Variants in PLCXD3 observed in about 807,000 individuals in gnomAD.
The protein encoded by PLCXD3 is PI-PLC X domain-containing protein 3.
A neutral mutation model predicts 25.5 loss-of-function variants in PLCXD3; 19 were observed. The observed-to-expected ratio is 0.75, with a 90% CI of 0.52 to 1.09. The LOEUF is 1.09. PLCXD3 is among the 50% of genes least tolerant of loss of function. PLCXD3 has a pLI of 0.00. For synonymous variants in PLCXD3, 174 were observed against 137.6 expected, an observed-to-expected ratio of 1.26 and a Z score of -1.85; for missense variants, 411 against 388.1, an observed-to-expected ratio of 1.06 and a Z score of -0.50.
intron 1 of PLCXD3, among the ~76,000 whole-genome samples, chr5:41,495,368 C>T (rs1748811057): frequency 6.6e-6 from 1 of 152,184 alleles, no homozygotes; most frequent in African/African-American, 2.4e-5. Context: ...CTCCAGAGGG[C>T]CTGAGGTAAG....
At position 41,312,020 on chromosome 5, in the gene PLCXD3, C is replaced by A. The variant is rs2150465997; in HGVS notation, c.*1597G>T. On this transcript the variant is annotated 3_prime_UTR_variant, in exon 3 of 3. Coordinates refer to ENST00000377801, the MANE Select transcript of PLCXD3 (RefSeq NM_001005473.3). ...TAATTAATAATTGTAAGAATTTCAT[C>A]AAATTTTATAATTTTATAAACACCT... The A allele has an allele frequency of 6.6e-6, 1 of 151,726 alleles. No homozygotes were observed. The highest frequency in any genetic ancestry group is 2.1e-4 in the South Asian group (1 of 4,788). The allele number at this position is 151,726 out of a possible 1,614,324, so 9.4% of individuals were successfully genotyped here.
chr5:41,415,536 CTATT>C (rs1746673467), intron 1 of PLCXD3, among the ~76,000 whole-genome samples: 1 of 152,154 alleles, frequency 6.6e-6, no homozygotes, highest in Non-Finnish European at 1.5e-5. Context: ...TTTCCTCTGA[CTATT>C]TAGTTCACAA....
intron 1 of PLCXD3, among the ~76,000 whole-genome samples, chr5:41,417,286 A>G (rs1746716433): frequency 6.6e-6 from 1 of 152,150 alleles, no homozygotes; most frequent in Non-Finnish European, 1.5e-5. Context: ...GCTGAAGTCT[A>G]CATTACAAAG....
chr5:41,481,985 T>C (rs1748424593), intron 1 of PLCXD3, among the ~76,000 whole-genome samples: 1 of 152,210 alleles, frequency 6.6e-6, no homozygotes, highest in African/African-American at 2.4e-5. Context: ...GCATTTACAG[T>C]GTAAGGACGT....
At chr5:41,418,604 G>T (rs1746746990) in intron 1 of PLCXD3, among the ~76,000 whole-genome samples, 1 of 152,016 alleles carries the variant, frequency 6.6e-6, no homozygotes, top group African/African-American at 2.4e-5. Context: ...AAACTGAATG[G>T]TATGTAATTC....
At chr5:41,452,852 C>T (rs1368622994) in intron 1 of PLCXD3, among the ~76,000 whole-genome samples, 1 of 151,964 alleles carries the variant, frequency 6.6e-6, no homozygotes, top group Non-Finnish European at 1.5e-5. Context: ...ATTCCATTAT[C>T]TTTCTTTCTT....
chr5:41,381,091 T>C (rs190418649), intron 2 of PLCXD3, among the ~76,000 whole-genome samples: 2 of 152,306 alleles, frequency 1.3e-5, no homozygotes, highest in Admixed American at 1.3e-4. Flanking sequence ...AAGAAAAATA[T>C]ATCACTTTTT....
intron 1 of PLCXD3, among the ~76,000 whole-genome samples, chr5:41,410,268 T>C (rs1042904810): frequency 1.3e-5 from 2 of 151,726 alleles, no homozygotes; most frequent in Admixed American, 6.6e-5. Flanking sequence ...GCCTCCTGAG[T>C]AGCTGGGACT....
At chr5:41,442,227 A>C (rs1747401743) in intron 1 of PLCXD3, among the ~76,000 whole-genome samples, 1 of 152,230 alleles carries the variant, frequency 6.6e-6, no homozygotes, top group Non-Finnish European at 1.5e-5. Flanking sequence ...ACAATGAATA[A>C]ACAACTCAGA....
At chr5:41,457,414 G>C (rs947683251) in intron 1 of PLCXD3, among the ~76,000 whole-genome samples, 8 of 151,848 alleles carry the variant, frequency 5.3e-5, no homozygotes, top group Admixed American at 5.3e-4. Context: ...CTTAGAGATG[G>C]CATGTCACTG....
In PLCXD3 at chr5:41,393,785, C is replaced by T. The variant is rs573484789; in HGVS notation, c.104-11251G>A. Among the ~76,000 whole-genome samples, 9 of 152,028 alleles carry T rather than the reference C, an allele frequency of 5.9e-5. No individual in the cohort carries two copies. In the East Asian group the frequency reaches 1.7e-3, roughly 29 times the overall value. On this transcript the variant is annotated intron_variant, in intron 1 of 2. Coordinates refer to ENST00000377801, the MANE Select transcript of PLCXD3 (RefSeq NM_001005473.3). ...ATACAAAAAAAGAAAAAAAAATTAG[C>T]CGGGCATGGTGGTGGACACCTGTAG...
chr5:41,463,230 C>T (rs1035214097), intron 1 of PLCXD3, among the ~76,000 whole-genome samples: 1 of 147,878 alleles, frequency 6.8e-6, no homozygotes, highest in Non-Finnish European at 1.5e-5. Context: ...TTGGTACCTT[C>T]TAGACAATAA....
rs1743728821 is a variant in PLCXD3, at chr5:41,329,569, C to CT, written c.813-15800dup. ...CAGATTTTAGTTTGTGGACTCACTG[C>CT]TTTTTTGCTGAATAAAAGTAATTTT... On this transcript the variant is annotated intron_variant, in intron 2 of 2. Transcript: ENST00000377801. Among the ~76,000 whole-genome samples, 4 of 152,200 alleles carry CT rather than the reference C, an allele frequency of 2.6e-5. No homozygotes were observed. The South Asian group carries it at 8.3e-4, about 32-fold the overall frequency.
In PLCXD3 at chr5:41,397,528, C is replaced by G. The variant is rs1746045399; in HGVS notation, c.104-14994G>C. ...TAGAGCTCTCCTAGTACAGGATAAT[C>G]TGTATGAGGGCAGTGCAGAGAGGAA... On this transcript the variant is annotated intron_variant, in intron 1 of 2. Coordinates refer to ENST00000377801, the MANE Select transcript of PLCXD3 (RefSeq NM_001005473.3). Among the ~76,000 whole-genome samples the G allele has an allele frequency of 2.6e-5, 4 of 152,148 alleles. No homozygotes were observed. In the South Asian group the frequency reaches 8.3e-4, roughly 32 times the overall value.
At chr5:41,413,731 C>T (rs1342905525) in intron 1 of PLCXD3, among the ~76,000 whole-genome samples, 1 of 152,150 alleles carries the variant, frequency 6.6e-6, no homozygotes, top group East Asian at 1.9e-4. Context: ...GAAAGAAGGG[C>T]TTTTAATCTC....
In PLCXD3 at chr5:41,461,927, C is replaced by T. The variant is rs1379311; in HGVS notation, c.103+48497G>A. On this transcript the variant is annotated intron_variant, in intron 1 of 2. Transcript: ENST00000377801. ...AATTTTAATTTAGGTATCAAATCTA[C>T]TCAACAAGCATGTGCCCTGTAATTG... Among the ~76,000 whole-genome samples the T allele has an allele frequency of 9.3e-3, 1,409 of 152,080 alleles. 6 individuals carry two copies. Among genetic ancestry groups the T allele is most frequent in the Non-Finnish European group, 0.016 (1,088 of 67,938 alleles).
chr5:41,367,854 A>G lies in PLCXD3; in HGVS notation c.812+13972T>C, dbSNP rs957874583. 2.0e-5 allele frequency among the ~76,000 whole-genome samples: 3 copies of G among 152,264 alleles called. 1 individual carries two copies. In the South Asian group the frequency reaches 6.2e-4, roughly 32 times the overall value. On this transcript the variant is annotated intron_variant, in intron 2 of 2. Transcript: ENST00000377801. Reference sequence around the variant, plus strand: ...AAGGGGTGTAGTTTCAATTTTCTGTATAGAGCTAGCCAGTTCTCCCAGCAC... The same window carrying G: ...AAGGGGTGTAGTTTCAATTTTCTGTGTAGAGCTAGCCAGTTCTCCCAGCAC...
At chr5:41,369,124 C>A (rs1234385220) in intron 2 of PLCXD3, among the ~76,000 whole-genome samples, 1 of 152,092 alleles carries the variant, frequency 6.6e-6, no homozygotes, top group Admixed American at 6.6e-5. Context: ...TCATGGAAGA[C>A]CATGTAGAAA....
chr5:41,336,026 G>A (rs535268964), intron 2 of PLCXD3, among the ~76,000 whole-genome samples: 40 of 152,180 alleles, frequency 2.6e-4, no homozygotes, highest in African/African-American at 8.9e-4. Context: ...AGTATTTATC[G>A]ACTTTTAATG....
Sources: gnomAD v4.1 joint callset for allele counts (sites outside exome capture counted in the v4.1 genomes callset) on GRCh38, gnomAD v4.1.1 for gene constraint, MANE v1.5 for transcripts, NCBI Gene and HGNC (gene_info 2026-07-23, HGNC 2026-07-21) for gene names.